DRC8: variants seen among roughly 807,000 people sequenced by gnomAD.
DRC8 encodes dynein regulatory complex subunit 8, also known as dynein regulatory complex protein 8.
chr1:245,118,135 G>A, the DRC8 span, among the ~76,000 whole-genome samples: 273 of 152,170 alleles, frequency 1.8e-3, no homozygotes, highest in African/African-American at 6.3e-3. Flanking sequence ...TGCACACTTA[G>A]ACCGAGAACT....
the DRC8 span, among the ~76,000 whole-genome samples, chr1:245,059,786 G>C: frequency 7.9e-5 from 12 of 152,186 alleles, no homozygotes; most frequent in African/African-American, 2.9e-4. Context: ...GACAGAGACA[G>C]TAAGGAATTT....
the DRC8 span, among the ~76,000 whole-genome samples, chr1:245,001,269 C>G: frequency 6.6e-6 from 1 of 152,048 alleles, no homozygotes; most frequent in Non-Finnish European, 1.5e-5. Flanking sequence ...TGCCCAAGAC[C>G]ATTTAGCCTA....
At chr1:245,119,604 G>C in the DRC8 span, among the ~76,000 whole-genome samples, 1 of 151,120 alleles carries the variant, frequency 6.6e-6, no homozygotes, top group Non-Finnish European at 1.5e-5. Flanking sequence ...ACGCCACTGT[G>C]CTCCAGCCTG....
the DRC8 span, among the ~76,000 whole-genome samples, chr1:245,115,688 T>A: frequency 6.6e-6 from 1 of 151,966 alleles, no homozygotes; most frequent in East Asian, 1.9e-4. Context: ...GGCTGTCTAG[T>A]GAGGGAGGTG....
At chr1:245,021,579 G>A in the DRC8 span, among the ~76,000 whole-genome samples, 1 of 152,028 alleles carries the variant, frequency 6.6e-6, no homozygotes, top group Non-Finnish European at 1.5e-5. Context: ...GGGATTACAG[G>A]TGCCCACCAC....
chr1:245,123,217 G>A, the DRC8 span: 2 of 152,138 alleles, frequency 1.3e-5, no homozygotes, highest in African/African-American at 4.8e-5. The surrounding 1 kb of genome is among the most constrained non-coding windows in gnomAD (Gnocchi z 5.0). Flanking sequence ...CATTTTGGCT[G>A]GAAAAGGGTA....
At chr1:245,096,704 G>C in the DRC8 span, among the ~76,000 whole-genome samples, 1 of 152,242 alleles carries the variant, frequency 6.6e-6, no homozygotes, top group Admixed American at 6.5e-5. Context: ...AATGTTTTAT[G>C]TGTTCACATT....
chr1:244,988,924 A>G, the DRC8 span, among the ~76,000 whole-genome samples: 1 of 152,214 alleles, frequency 6.6e-6, no homozygotes, highest in Non-Finnish European at 1.5e-5. Context: ...TTTATCCTAA[A>G]GATTACAGAG....
At chr1:245,027,872 T>G in the DRC8 span, among the ~76,000 whole-genome samples, 1 of 77,442 alleles carries the variant, frequency 1.3e-5, no homozygotes, top group Non-Finnish European at 3.3e-5. Flanking sequence ...TCTTGTCAGT[T>G]TTTTTTTTTT....
the DRC8 span, among the ~76,000 whole-genome samples, chr1:245,055,236 T>C: frequency 6.6e-6 from 1 of 152,324 alleles, no homozygotes; most frequent in South Asian, 2.1e-4. Context: ...AAATTCAACA[T>C]GTCCCAGATT....
At chr1:245,113,086 A>G in the DRC8 span, among the ~76,000 whole-genome samples, 1 of 152,176 alleles carries the variant, frequency 6.6e-6, no homozygotes, top group Non-Finnish European at 1.5e-5. Flanking sequence ...TTCTTACAGT[A>G]GTATCTTATA....
At chr1:245,058,958 G>A in the DRC8 span, among the ~76,000 whole-genome samples, 1 of 152,150 alleles carries the variant, frequency 6.6e-6, no homozygotes, top group African/African-American at 2.4e-5. Context: ...ACAGAGCTGG[G>A]ATTTGAACCC....
the DRC8 span, among the ~76,000 whole-genome samples, chr1:245,033,670 A>G: frequency 1.3e-5 from 2 of 152,082 alleles, no homozygotes; most frequent in South Asian, 4.2e-4. Context: ...TTTATTTTTC[A>G]TATGATTGTC....
the DRC8 span, among the ~76,000 whole-genome samples, chr1:245,109,797 C>T: frequency 2.6e-5 from 4 of 152,240 alleles, no homozygotes; most frequent in Admixed American, 6.5e-5. Context: ...TGCTACAAAG[C>T]CTGTGCGAGG....
At chr1:245,091,872 G>A in the DRC8 span, 2 of 152,260 alleles carry the variant, frequency 1.3e-5, no homozygotes, top group East Asian at 1.9e-4. Flanking sequence ...AGCATCTGAT[G>A]TAAGTCACCA....
chr1:245,112,770 T>A, the DRC8 span, among the ~76,000 whole-genome samples: 1 of 151,894 alleles, frequency 6.6e-6, no homozygotes, highest in Non-Finnish European at 1.5e-5. Context: ...TTTTTTTTTT[T>A]TGAGATGGAG....
At chr1:245,088,981 G>A in the DRC8 span, among the ~76,000 whole-genome samples, 5 of 152,302 alleles carry the variant, frequency 3.3e-5, no homozygotes, top group East Asian at 5.8e-4. The surrounding 1 kb of genome is among the most constrained non-coding windows in gnomAD (Gnocchi z 4.6). Context: ...TAAGGTTTCA[G>A]TGTGAGAGTT....
chr1:244,981,520 T>C, the DRC8 span, among the ~76,000 whole-genome samples: 2 of 152,208 alleles, frequency 1.3e-5, no homozygotes, highest in Admixed American at 1.3e-4. Context: ...GTGCCTCTGT[T>C]ACCCGCTTTC....
chr1:245,028,117 C>T, the DRC8 span, among the ~76,000 whole-genome samples: 200 of 152,154 alleles, frequency 1.3e-3, no homozygotes, highest in African/African-American at 4.3e-3. Flanking sequence ...CTTGAACTTC[C>T]GGGCTCAAGC....
Sources: gnomAD v4.1 joint callset for allele counts (sites outside exome capture counted in the v4.1 genomes callset) on GRCh38, gnomAD v4.1.1 for gene constraint, Gnocchi (gnomAD v3.1) non-coding constraint, MANE v1.5 for transcripts, NCBI Gene and HGNC (gene_info 2026-07-23, HGNC 2026-07-21) for gene names.